The following RPS6KB1 variants were observed in gnomAD, a reference collection of about 807,000 sequenced individuals.
The protein encoded by RPS6KB1 is ribosomal protein S6 kinase B1.
In RPS6KB1, 12 loss-of-function variants were observed where a neutral mutation model predicts 70.2. The ratio of observed to expected loss-of-function variants is 0.17; its 90% CI spans 0.11 to 0.28. The LOEUF (loss-of-function observed/expected upper bound fraction) is 0.28. Ranked by LOEUF, RPS6KB1 falls within the 10% of genes least tolerant of loss-of-function variation. RPS6KB1 has a pLI of 1.00. For missense variants in RPS6KB1, 270 were observed against 646.6 expected, an observed-to-expected ratio of 0.42 and a Z score of 6.32; for synonymous variants, 175 against 211.2, an observed-to-expected ratio of 0.83 and a Z score of 1.49.
intron 2 of RPS6KB1, among the ~76,000 whole-genome samples, chr17:59,911,081 G>A (rs1364355217): frequency 1.3e-5 from 2 of 152,132 alleles, no homozygotes; most frequent in Non-Finnish European, 1.5e-5. Flanking sequence ...TCAGGAGTTC[G>A]AGACCAGCCT....
intron 1 of RPS6KB1, among the ~76,000 whole-genome samples, chr17:59,899,022 G>A (rs1252551563): frequency 6.6e-6 from 1 of 151,704 alleles, no homozygotes; most frequent in East Asian, 2.0e-4. Context: ...GGCCAACATG[G>A]TGAAAACCCC....
intron 12 of RPS6KB1, among the ~76,000 whole-genome samples, chr17:59,938,699 TTGTGTGTGTGTGTGTGTGTGTGTGTGTG>T (rs58751297): frequency 7.2e-6 from 1 of 138,084 alleles, no homozygotes; most frequent in African/African-American, 2.7e-5. Flanking sequence ...AATGTGTAGT[TTGTGTGTGTGTGTGTGTGTGTGTGTGTG>T]TGTGTGTGTG....
rs1236300788 is a variant in RPS6KB1, at chr17:59,946,932, C to T, written c.*144C>T. 2 of 1,472,768 alleles carry T rather than the reference C, an allele frequency of 1.4e-6. No homozygotes were observed. The highest frequency in any genetic ancestry group is 1.8e-6 in the Non-Finnish European group (2 of 1,113,170). 91.2% of individuals were successfully genotyped at this position (1,472,768 alleles called of 1,614,324 possible). On this transcript the variant is annotated 3_prime_UTR_variant, in exon 15 of 15. Coordinates refer to ENST00000225577, the MANE Select transcript of RPS6KB1 (RefSeq NM_003161.4). The surrounding 1 kb of genome is among the most constrained non-coding windows in gnomAD (Gnocchi z 4.2). ...ACACTTCAGACACAGGAAAAATAAACGTGGATTTTAAAAAATCAATCAATG... is the reference window on the plus strand; with the variant it reads ...ACACTTCAGACACAGGAAAAATAAATGTGGATTTTAAAAAATCAATCAATG...
intron 1 of RPS6KB1, among the ~76,000 whole-genome samples, chr17:59,907,824 A>G (rs1421592208): frequency 6.6e-6 from 1 of 152,168 alleles, no homozygotes; most frequent in Non-Finnish European, 1.5e-5. Flanking sequence ...TACGTGCCAT[A>G]AATTTTTTTC....
At chr17:59,913,112 TC>T (rs1381477690) in intron 3 of RPS6KB1, among the ~76,000 whole-genome samples, 2 of 152,224 alleles carry the variant, frequency 1.3e-5, no homozygotes, top group Non-Finnish European at 2.9e-5. Flanking sequence ...AATGGTATCC[TC>T]TTTAAAAATA....
At chr17:59,932,519 G>A (rs1186402886) in intron 7 of RPS6KB1, among the ~76,000 whole-genome samples, 1 of 151,056 alleles carries the variant, frequency 6.6e-6, no homozygotes, top group Non-Finnish European at 1.5e-5. Flanking sequence ...ATAAAACTTT[G>A]GAAATATGAT....
intron 1 of RPS6KB1, among the ~76,000 whole-genome samples, chr17:59,900,798 T>G (rs1457260689): frequency 6.6e-6 from 1 of 152,176 alleles, no homozygotes; most frequent in Admixed American, 6.6e-5. Context: ...TGTTTTTTGT[T>G]TATACAATTC....
chr17:59,921,551 A>G (rs1454582531), intron 4 of RPS6KB1, among the ~76,000 whole-genome samples: 8 of 152,240 alleles, frequency 5.3e-5, no homozygotes, highest in Non-Finnish European at 1.2e-4. Flanking sequence ...CCCAGACTTT[A>G]AGATGAAATC....
At chr17:59,908,218 A>G (rs1270685682) in intron 1 of RPS6KB1, among the ~76,000 whole-genome samples, 1 of 148,724 alleles carries the variant, frequency 6.7e-6, no homozygotes, top group Non-Finnish European at 1.5e-5. Flanking sequence ...TTTGAGATGG[A>G]GTCTCACTCT....
chr17:59,902,890 C>T (rs531860421), intron 1 of RPS6KB1, among the ~76,000 whole-genome samples: 1 of 152,140 alleles, frequency 6.6e-6, no homozygotes, highest in East Asian at 1.9e-4. Context: ...CTGAATAAAC[C>T]TTTTAGAAGG....
rs187963705 is a variant in RPS6KB1 at position 59,904,048 on chromosome 17, C to G, written c.142-6514C>G. ...GAGCCACTGCGCCTGGCCTATTTAT[C>G]TTTTTATTGTTGAGTTGGAGTATTT... On this transcript the variant is annotated intron_variant, in intron 1 of 14. Coordinates refer to ENST00000225577, the MANE Select transcript of RPS6KB1 (RefSeq NM_003161.4). Among the ~76,000 whole-genome samples the G allele has an allele frequency of 1.5e-4, 22 of 148,020 alleles. No individual in the cohort carries two copies. In the East Asian group the frequency reaches 4.3e-3, roughly 29 times the overall value.
rs539779871 is a variant in RPS6KB1, at chr17:59,926,353, C to T, written c.382-82C>T. The T allele has an allele frequency of 2.7e-6, 3 of 1,110,766 alleles. No individual in the cohort carries two copies. The South Asian group carries it at 5.3e-5, about 19-fold the overall frequency. 68.8% of individuals were successfully genotyped at this position (1,110,766 alleles called of 1,614,324 possible). ...TAGTTCAATATTGGCAGGAAAAACA[C>T]AAAATAGATTTTAGAATAAAATAGA... On this transcript the variant is annotated intron_variant, in intron 4 of 14. Transcript: ENST00000225577.
chr17:59,919,345 T>C (rs535814261), intron 4 of RPS6KB1, among the ~76,000 whole-genome samples: 3 of 152,152 alleles, frequency 2.0e-5, no homozygotes, highest in Non-Finnish European at 4.4e-5. Context: ...GCCAGCTGGT[T>C]TGGGGGCGCT....
At chr17:59,903,411 G>A (rs1366668936) in intron 1 of RPS6KB1, among the ~76,000 whole-genome samples, 2 of 152,022 alleles carry the variant, frequency 1.3e-5, no homozygotes, top group Non-Finnish European at 2.9e-5. Context: ...GGAGGTTGAG[G>A]CTGCAGTGAG....
chr17:59,924,839 ATTTT>A (rs869262754), intron 4 of RPS6KB1, among the ~76,000 whole-genome samples: 4 of 149,388 alleles, frequency 2.7e-5, no homozygotes, highest in Non-Finnish European at 5.9e-5. Context: ...TTATTTATTT[ATTTT>A]TTTGAGACGG....
intron 4 of RPS6KB1, among the ~76,000 whole-genome samples, chr17:59,921,651 T>C (rs902111030): frequency 6.6e-6 from 1 of 152,168 alleles, no homozygotes; most frequent in Non-Finnish European, 1.5e-5. Flanking sequence ...GTTTACTTCT[T>C]ATAGGAATGG....
intron 13 of RPS6KB1, among the ~76,000 whole-genome samples, chr17:59,943,925 C>T (rs1156397504): frequency 1.4e-5 from 2 of 138,040 alleles, no homozygotes; most frequent in Admixed American, 1.5e-4. Context: ...TATATATACA[C>T]ACATACATAC....
rs117603613 is a variant in RPS6KB1, at chr17:59,909,598, C to T, written c.142-964C>T. ...TAAAATTAAAAGCAAAAGCTGGGGC[C>T]GGGTGTGATGGCTCACGCCTGTAAT... On this transcript the variant is annotated intron_variant, in intron 1 of 14. Coordinates refer to ENST00000225577, the MANE Select transcript of RPS6KB1 (RefSeq NM_003161.4). 5.5e-3 allele frequency among the ~76,000 whole-genome samples: 823 copies of T among 149,630 alleles called. 5 individuals carry two copies. The highest frequency in any genetic ancestry group is 8.4e-3 in the Non-Finnish European group (568 of 67,520).
intron 2 of RPS6KB1, among the ~76,000 whole-genome samples, chr17:59,911,537 G>GTT (rs1568416484): frequency 3.9e-5 from 4 of 101,530 alleles, no homozygotes; most frequent in East Asian, 3.6e-4. Context: ...ATTTTTGTTG[G>GTT]GTTTTTTTTT....
Sources: gnomAD v4.1 joint callset for allele counts (sites outside exome capture counted in the v4.1 genomes callset) on GRCh38, gnomAD v4.1.1 for gene constraint, Gnocchi (gnomAD v3.1) non-coding constraint, MANE v1.5 for transcripts, NCBI Gene and HGNC (gene_info 2026-07-23, HGNC 2026-07-21) for gene names.